Variants in OR3A2 observed in about 807,000 individuals in gnomAD.
The protein encoded by OR3A2 is olfactory receptor family 3 subfamily A member 2, also known as olfactory receptor 3A2.
For missense variants in OR3A2, 318 were observed against 392.8 expected (o/e 0.81, Z 1.61); for synonymous variants, 126 against 159.3 (o/e 0.79, Z 1.57).
At position 3,356,381 on chromosome 17, in the gene OR3A2, G is replaced by A. The variant is rs183932578; in HGVS notation, c.-178-20255C>T. On this transcript the variant is annotated intron_variant, in intron 2 of 4. Coordinates refer to the OR3A2 transcript ENST00000573491. ...CATTAACATCCTTTTCTTTCAGAGG[G>A]AAGACTTCCATTTAGCATTTCTTGT... is the stretch of plus-strand genomic sequence containing the variant. Among the ~76,000 whole-genome samples the A allele has an allele frequency of 3.2e-4, 49 of 151,458 alleles. No homozygotes were observed. The East Asian group carries it at 7.7e-3, about 24-fold the overall frequency.
chr17:3,332,032 T>C, intron 3 of OR3A2, among the ~76,000 whole-genome samples: 1 of 151,786 alleles, frequency 6.6e-6, no homozygotes, highest in East Asian at 1.9e-4. Flanking sequence ...TGCTCGGGGG[T>C]CAGGGGTCAG....
At chr17:3,371,072 C>G (rs2049612426) in intron 2 of OR3A2, among the ~76,000 whole-genome samples, 1 of 151,954 alleles carries the variant, frequency 6.6e-6, no homozygotes, top group African/African-American at 2.4e-5. Flanking sequence ...CACCTTTCCC[C>G]CCTTTCTATT....
intron 3 of OR3A2, among the ~76,000 whole-genome samples, chr17:3,315,757 G>C (rs879044856): frequency 7.9e-6 from 1 of 126,768 alleles, no homozygotes; most frequent in East Asian, 2.5e-4. Context: ...AATATGGGGG[G>C]GGGGGCGGTA....
chr17:3,335,980 T>C (rs967179892), intron 3 of OR3A2, 49 bp downstream of exon 2: 1 of 152,330 alleles, frequency 6.6e-6, no homozygotes, highest in Non-Finnish European at 1.5e-5. Flanking sequence ...ACATTTCCAC[T>C]CTGATTTACT....
chr17:3,378,178 G>A (rs2049700516), intron 2 of OR3A2, among the ~76,000 whole-genome samples: 1 of 152,190 alleles, frequency 6.6e-6, no homozygotes, highest in African/African-American at 2.4e-5. Context: ...TTTACATGCT[G>A]TCTGTGGTAC....
At position 3,292,320 on chromosome 17, in the gene OR3A2, A is replaced by G. The variant is rs149271851; in HGVS notation, c.-84-13167T>C. The G allele has an allele frequency of 1.9e-6, 3 of 1,614,032 alleles. No homozygotes were observed. The African/African-American group carries it at 4.0e-5, about 22-fold the overall frequency. On this transcript the variant is annotated intron_variant, in intron 3 of 4. Coordinates refer to the OR3A2 transcript ENST00000573491. ...GGGAACTGCACGCTTGCGGGACAGG[A>G]GACGACTCAACATTGATGGAACAGT...
At chr17:3,303,416 G>T (rs924937440) in intron 3 of OR3A2, among the ~76,000 whole-genome samples, 1 of 151,980 alleles carries the variant, frequency 6.6e-6, no homozygotes, top group Non-Finnish European at 1.5e-5. Context: ...AGCATATATA[G>T]CTGTTCTGAA....
chr17:3,330,809 G>A (rs553024087), intron 3 of OR3A2, among the ~76,000 whole-genome samples: 7 of 152,044 alleles, frequency 4.6e-5, no homozygotes, highest in Admixed American at 2.0e-4. Context: ...TCCTATTCTC[G>A]ATGGTCTTTA....
exon 2 of OR3A2, chr17:3,277,438 C>T (rs1321991102): frequency 1.3e-5 from 2 of 154,008 alleles, no homozygotes; most frequent in African/African-American, 4.8e-5. Flanking sequence ...ATCTCATGTC[C>T]TCACCAGAAA....
intron 2 of OR3A2, among the ~76,000 whole-genome samples, chr17:3,362,996 G>A (rs1376454894): frequency 2.0e-5 from 3 of 151,904 alleles, no homozygotes; most frequent in African/African-American, 7.3e-5. Flanking sequence ...TCCCAAGGCT[G>A]CACAGAGCAG....
In OR3A2 at chr17:3,327,928, G is replaced by C. The variant is rs1361827010; in HGVS notation, c.-85+8105C>G. ...TCCATTGACCTATATCTCTGTTTTGGTACCAGTACCATGCTGTTTTGGTTA... is the reference window on the plus strand; with the variant it reads ...TCCATTGACCTATATCTCTGTTTTGCTACCAGTACCATGCTGTTTTGGTTA... On this transcript the variant is annotated intron_variant, in intron 3 of 4. Transcript: ENST00000573491. Among the ~76,000 whole-genome samples the C allele has an allele frequency of 2.5e-5, 3 of 121,164 alleles. 1 individual carries two copies. Among genetic ancestry groups the C allele is most frequent in the Non-Finnish European group, 5.1e-5 (3 of 58,644 alleles). 79.5% of individuals were successfully genotyped at this position (121,164 alleles called of 152,430 possible).
At chr17:3,386,098 TCCC>T (rs941768269) in intron 1 of OR3A2, 24 bp downstream of exon 1, 7 of 398,486 alleles carry the variant, frequency 1.8e-5, no homozygotes, top group African/African-American at 1.4e-4. Context: ...GGCCCTCCGC[TCCC>T]CCATGTATTA....
chr17:3,347,491 G>A (rs1032742542), intron 2 of OR3A2, among the ~76,000 whole-genome samples: 10 of 152,080 alleles, frequency 6.6e-5, no homozygotes, highest in South Asian at 2.1e-4. Flanking sequence ...GAGAACATGC[G>A]GTGTTTGGTT....
intron 3 of OR3A2, among the ~76,000 whole-genome samples, chr17:3,330,621 G>C (rs1222765862): frequency 6.6e-6 from 1 of 152,134 alleles, no homozygotes; most frequent in South Asian, 2.1e-4. Flanking sequence ...CACGTGAGAT[G>C]GGTTTCCTGA....
intron 2 of OR3A2, among the ~76,000 whole-genome samples, chr17:3,372,902 G>C (rs1054180802): frequency 6.8e-6 from 1 of 146,420 alleles, no homozygotes; most frequent in African/African-American, 2.6e-5. Context: ...AGAGGGAGAG[G>C]GAGAGGGCTC....
chr17:3,325,764 C>T (rs1298147847), intron 3 of OR3A2, among the ~76,000 whole-genome samples: 1 of 151,928 alleles, frequency 6.6e-6, no homozygotes, highest in East Asian at 1.9e-4. Context: ...GTAAAATTTA[C>T]CATCTTTACT....
intron 2 of OR3A2, among the ~76,000 whole-genome samples, chr17:3,344,884 T>C (rs2049349458): frequency 6.6e-6 from 1 of 152,132 alleles, no homozygotes; most frequent in South Asian, 2.1e-4. Context: ...CAAAAGCCTG[T>C]AATGGGAAGA....
chr17:3,347,037 T>C (rs1328888624), intron 2 of OR3A2, among the ~76,000 whole-genome samples: 3 of 152,172 alleles, frequency 2.0e-5, no homozygotes, highest in African/African-American at 7.2e-5. Flanking sequence ...TGATTTTCTT[T>C]CATTTTGATA....
intron 2 of OR3A2, among the ~76,000 whole-genome samples, chr17:3,370,580 T>C (rs1401466796): frequency 6.6e-6 from 1 of 152,234 alleles, no homozygotes; most frequent in Non-Finnish European, 1.5e-5. Flanking sequence ...TCGTTTGTTC[T>C]TGTTTCTCTA....
Sources: allele counts gnomAD v4.1 joint callset (sites outside exome capture counted in the v4.1 genomes callset), GRCh38; gene constraint gnomAD v4.1.1; transcripts MANE v1.5; gene names NCBI Gene and HGNC (gene_info 2026-07-23, HGNC 2026-07-21).